Variants in RPS6KC1 observed in about 807,000 individuals in gnomAD.
RPS6KC1 encodes inactive ribosomal protein S6 kinase delta-1.
In RPS6KC1, 54 loss-of-function variants were observed where a neutral mutation model predicts 103.8. The observed-to-expected ratio is 0.52, with a 90% CI of 0.42 to 0.65. The LOEUF is 0.65. Ranked by LOEUF, RPS6KC1 falls within the 30% of genes least tolerant of loss-of-function variation. The pLI is 0.00. For synonymous variants in RPS6KC1, 439 were observed against 438.7 expected (o/e 1.00, Z -0.01); for missense variants, 1,151 against 1,253.8 (o/e 0.92, Z 1.24).
At chr1:213,301,450 A>T in the RPS6KC1 span, among the ~76,000 whole-genome samples, 1 of 152,232 alleles carries the variant, frequency 6.6e-6, no homozygotes, top group African/African-American at 2.4e-5. Flanking sequence ...TATGCCAAGC[A>T]TTGTCAAGGT....
chr1:213,328,543 A>T, the RPS6KC1 span, among the ~76,000 whole-genome samples: 531 of 88,574 alleles, frequency 6.0e-3, 4 homozygotes, highest in Non-Finnish European at 0.011. Context: ...TATATATATC[A>T]CACACACACG....
chr1:213,059,599 C>T (rs1182331889), intron 1 of RPS6KC1, among the ~76,000 whole-genome samples: 5 of 152,118 alleles, frequency 3.3e-5, no homozygotes, highest in African/African-American at 1.2e-4. Flanking sequence ...CTGCAGCCTC[C>T]GCCTTCCGGG....
chr1:213,167,223 G>T (rs908112591), intron 6 of RPS6KC1, among the ~76,000 whole-genome samples: 1 of 152,162 alleles, frequency 6.6e-6, no homozygotes, highest in African/African-American at 2.4e-5. Flanking sequence ...CACCTGGTTA[G>T]TGATGAGGGG....
At chr1:213,262,614 A>T in intron 13 of RPS6KC1, 107 bp from the exon 14 acceptor site, 1 of 762,700 alleles carries the variant, frequency 1.3e-6, no homozygotes, top group Non-Finnish European at 2.3e-6. Flanking sequence ...CTACACTTCC[A>T]GTTAAAATGG....
At chr1:213,328,010 T>C in the RPS6KC1 span, among the ~76,000 whole-genome samples, 1 of 152,288 alleles carries the variant, frequency 6.6e-6, no homozygotes, top group African/African-American at 2.4e-5. Context: ...CCTTTATAAC[T>C]CTTACCATTA....
Position 213,251,691 on chromosome 1 carries a change from A to G in RPS6KC1, c.2911+9033A>G, listed in dbSNP as rs12086333. ...GCAAAAGGACTTGATGTAGATCTGC[A>G]TGCTCAATGGAACTTAAAGAAAACA... On this transcript the variant is annotated intron_variant, in intron 12 of 14. Transcript: ENST00000366960. Among the ~76,000 whole-genome samples, 542 of 152,026 alleles carry G rather than the reference A, an allele frequency of 3.6e-3. 4 individuals are homozygous for G. The highest frequency in any genetic ancestry group is 0.012 in the African/African-American group (508 of 41,428).
chr1:213,426,772 C>A, the RPS6KC1 span, among the ~76,000 whole-genome samples: 1 of 152,172 alleles, frequency 6.6e-6, no homozygotes, highest in African/African-American at 2.4e-5. Context: ...TCGTAGTCAA[C>A]ATTTAATTGT....
At chr1:213,055,724 A>G (rs572437363) in intron 1 of RPS6KC1, among the ~76,000 whole-genome samples, 16 of 152,348 alleles carry the variant, frequency 1.1e-4, no homozygotes, top group Non-Finnish European at 2.2e-4. Flanking sequence ...TTCTACAAAA[A>G]TGCCTGTCCA....
At chr1:213,451,243 G>C in the RPS6KC1 span, among the ~76,000 whole-genome samples, 1 of 152,298 alleles carries the variant, frequency 6.6e-6, no homozygotes. Context: ...TTAATGTTCT[G>C]AAATAGGTCA....
At chr1:213,084,776 C>T (rs1447292164) in intron 3 of RPS6KC1, among the ~76,000 whole-genome samples, 5 of 152,116 alleles carry the variant, frequency 3.3e-5, no homozygotes, top group Non-Finnish European at 7.4e-5. Context: ...ATCCATATCC[C>T]TTTCCCCCTT....
At chr1:213,257,786 CTTTTTTTTTTTTTTTTT>C (rs71147062) in intron 12 of RPS6KC1, among the ~76,000 whole-genome samples, 58 of 49,430 alleles carry the variant, frequency 1.2e-3, no homozygotes, top group South Asian at 9.5e-3. Context: ...ACAGGTAAAA[CTTTTTTTTTTTTTTTTT>C]TTTTTTTTTT....
intron 1 of RPS6KC1, among the ~76,000 whole-genome samples, chr1:213,065,846 A>G (rs2078282493): frequency 6.6e-6 from 1 of 152,216 alleles, no homozygotes; most frequent in Admixed American, 6.5e-5. Context: ...AAACTTCATT[A>G]TTGCTGAAAA....
chr1:213,192,169 C>T (rs759461559), intron 8 of RPS6KC1, among the ~76,000 whole-genome samples: 1 of 152,114 alleles, frequency 6.6e-6, no homozygotes, highest in Non-Finnish European at 1.5e-5. Context: ...GTCTTTCATT[C>T]TGTTGGTATG....
chr1:213,770,406 C>T, the RPS6KC1 span, among the ~76,000 whole-genome samples: 1 of 152,138 alleles, frequency 6.6e-6, no homozygotes, highest in Non-Finnish European at 1.5e-5. Context: ...AATAGCATAC[C>T]TAAATGTATG....
chr1:213,483,551 T>G, the RPS6KC1 span, among the ~76,000 whole-genome samples: 1 of 152,358 alleles, frequency 6.6e-6, no homozygotes, highest in South Asian at 2.1e-4. Flanking sequence ...TGTAAGACAC[T>G]GCCAAACTTT....
At chr1:213,498,789 TTTC>T in the RPS6KC1 span, among the ~76,000 whole-genome samples, 213 of 143,662 alleles carry the variant, frequency 1.5e-3, 1 homozygote, top group African/African-American at 5.4e-3. Context: ...TTTTTTTTTT[TTTC>T]TTTTTGAGAT....
At chr1:213,683,740 C>T in the RPS6KC1 span, among the ~76,000 whole-genome samples, 8 of 152,190 alleles carry the variant, frequency 5.3e-5, no homozygotes, top group African/African-American at 4.8e-5. Flanking sequence ...TGGCCCGGCC[C>T]GTCCCAACTC....
At chr1:213,398,157 G>T in the RPS6KC1 span, among the ~76,000 whole-genome samples, 1 of 149,996 alleles carries the variant, frequency 6.7e-6, no homozygotes. Flanking sequence ...TCAGCCTCCT[G>T]AGTAGCTGGG....
the RPS6KC1 span, among the ~76,000 whole-genome samples, chr1:213,788,203 A>G: frequency 6.6e-6 from 1 of 152,176 alleles, no homozygotes. Flanking sequence ...CTTTACCACT[A>G]AACAGCTCAC....
Sources: gnomAD v4.1 joint callset for allele counts (sites outside exome capture counted in the v4.1 genomes callset) on GRCh38, gnomAD v4.1.1 for gene constraint, MANE v1.5 for transcripts, NCBI Gene and HGNC (gene_info 2026-07-23, HGNC 2026-07-21) for gene names.